MSRA: variants seen among roughly 807,000 people sequenced by gnomAD.
The protein encoded by MSRA is mitochondrial peptide methionine sulfoxide reductase.
Under a neutral mutation model 31.3 loss-of-function variants are expected in MSRA, and 54 were observed. The observed-to-expected ratio is 1.73, with a 90% confidence interval of 1.39 to 2.17. MSRA has a LOEUF of 2.17. MSRA is among the 30% of genes most tolerant of loss of function. The pLI, the probability that MSRA is intolerant of heterozygous loss-of-function variation, is 0.00. For missense variants in MSRA, 507 were observed against 300.9 expected, an observed-to-expected ratio of 1.69 and a Z score of -5.07; for synonymous variants, 169 against 116.5, an observed-to-expected ratio of 1.45 and a Z score of -2.90.
intron 3 of MSRA, among the ~76,000 whole-genome samples, chr8:10,289,055 C>T (rs1224557836): frequency 2.0e-5 from 3 of 151,020 alleles, no homozygotes; most frequent in East Asian, 1.9e-4. Flanking sequence ...CTCGCTCTGT[C>T]GCCAGGCTGG....
chr8:10,235,620 C>G (rs1811872382), intron 2 of MSRA, among the ~76,000 whole-genome samples: 1 of 152,102 alleles, frequency 6.6e-6, no homozygotes, highest in Non-Finnish European at 1.5e-5. Context: ...ACGAAAACCT[C>G]TAAAAAGAGA....
intron 5 of MSRA, among the ~76,000 whole-genome samples, chr8:10,349,289 T>G (rs1487222536): frequency 6.6e-6 from 1 of 152,216 alleles, no homozygotes; most frequent in African/African-American, 2.4e-5. Flanking sequence ...TCAAACAGTT[T>G]TAATGGCAAT....
chr8:10,427,656 C>A (rs896464479), intron 5 of MSRA, among the ~76,000 whole-genome samples: 1 of 152,278 alleles, frequency 6.6e-6, no homozygotes, highest in South Asian at 2.1e-4. Context: ...TGGGCAGATG[C>A]GATAGTGCCA....
At chr8:10,098,709 C>G (rs1799337069) in intron 1 of MSRA, among the ~76,000 whole-genome samples, 1 of 152,150 alleles carries the variant, frequency 6.6e-6, no homozygotes, top group Non-Finnish European at 1.5e-5. Flanking sequence ...CTGTAAGAAT[C>G]TTGTTTTATG....
At chr8:10,336,586 G>A (rs940078645) in intron 5 of MSRA, among the ~76,000 whole-genome samples, 3 of 152,140 alleles carry the variant, frequency 2.0e-5, no homozygotes, top group Admixed American at 2.0e-4. Flanking sequence ...ACAATATTGG[G>A]CAAACCAGTG....
chr8:10,220,480 T>G (rs564695052), intron 2 of MSRA, among the ~76,000 whole-genome samples: 1 of 152,354 alleles, frequency 6.6e-6, no homozygotes, highest in South Asian at 2.1e-4. Flanking sequence ...AGATGTGGCC[T>G]TCCAGAACCA....
chr8:10,335,804 A>G (rs566355022), intron 5 of MSRA, among the ~76,000 whole-genome samples: 1 of 152,350 alleles, frequency 6.6e-6, no homozygotes, highest in South Asian at 2.1e-4. Flanking sequence ...TTGGGAGTGC[A>G]GAAAGCACTT....
intron 3 of MSRA, among the ~76,000 whole-genome samples, chr8:10,248,148 A>C (rs554051303): frequency 2.6e-5 from 4 of 152,224 alleles, no homozygotes; most frequent in Non-Finnish European, 5.9e-5. Context: ...GCTGAGGTCC[A>C]TTGTGGGAGA....
At chr8:10,075,055 C>A (rs1197052791) in intron 1 of MSRA, among the ~76,000 whole-genome samples, 5 of 152,194 alleles carry the variant, frequency 3.3e-5, no homozygotes, top group Non-Finnish European at 4.4e-5. Context: ...CATTTATTTT[C>A]TTTACTACTC....
intron 5 of MSRA, among the ~76,000 whole-genome samples, chr8:10,347,122 C>T (rs568142949): frequency 1.5e-4 from 23 of 152,276 alleles, no homozygotes; most frequent in South Asian, 6.2e-4. Context: ...ATTACTGGTT[C>T]GTTTTCCCTT....
At chr8:10,277,973 A>G (rs748632895) in intron 3 of MSRA, among the ~76,000 whole-genome samples, 14 of 152,238 alleles carry the variant, frequency 9.2e-5, no homozygotes, top group Non-Finnish European at 1.8e-4. Flanking sequence ...AGTACCTGTT[A>G]TTACAGCAGG....
At chr8:10,203,260 G>T (rs1393812573) in intron 1 of MSRA, among the ~76,000 whole-genome samples, 3 of 152,156 alleles carry the variant, frequency 2.0e-5, no homozygotes, top group Non-Finnish European at 4.4e-5. Context: ...TAGGTAAATG[G>T]GAAAGGGAAG....
At chr8:10,303,840 CAG>C (rs1800980690) in intron 4 of MSRA, among the ~76,000 whole-genome samples, 1 of 152,228 alleles carries the variant, frequency 6.6e-6, no homozygotes, top group African/African-American at 2.4e-5. Flanking sequence ...TTACATGTAA[CAG>C]TAACAAAAAT....
rs182681166 is a variant in MSRA, at chr8:10,319,700, C to G, written c.437-183C>G. ...TGTAATTAAAACAGGCAAATCAAAA[C>G]AGATACATTTCATGCTTGTTTAAAG... On this transcript the variant is annotated intron_variant, in intron 4 of 5. Transcript: ENST00000317173. Among the ~76,000 whole-genome samples, 13 of 151,936 alleles carry G rather than the reference C, an allele frequency of 8.6e-5. No homozygotes were observed. In the East Asian group the frequency reaches 1.4e-3, roughly 16 times the overall value.
chr8:10,113,075 G>A (rs1244159401), intron 1 of MSRA, among the ~76,000 whole-genome samples: 1 of 152,056 alleles, frequency 6.6e-6, no homozygotes, highest in East Asian at 1.9e-4. Context: ...TCCTCCAAGA[G>A]CGTAGGGCTT....
At chr8:10,372,116 C>G (rs1805512237) in intron 5 of MSRA, among the ~76,000 whole-genome samples, 2 of 152,208 alleles carry the variant, frequency 1.3e-5, no homozygotes, top group Non-Finnish European at 2.9e-5. Flanking sequence ...GTTGGCAGCA[C>G]TGGGGCCTCT....
chr8:10,107,313 A>G (rs1295740685), intron 1 of MSRA, among the ~76,000 whole-genome samples: 1 of 152,098 alleles, frequency 6.6e-6, no homozygotes, highest in African/African-American at 2.4e-5. Context: ...TGAAAAATAA[A>G]CACTCTAGAG....
At chr8:10,115,630 T>A (rs557100809) in intron 1 of MSRA, among the ~76,000 whole-genome samples, 12 of 152,192 alleles carry the variant, frequency 7.9e-5, no homozygotes, top group African/African-American at 2.9e-4. Context: ...CCAGTGGCGC[T>A]TTCTAAAAGA....
intron 4 of MSRA, among the ~76,000 whole-genome samples, chr8:10,308,487 C>T (rs901609164): frequency 1.3e-5 from 2 of 152,172 alleles, no homozygotes; most frequent in African/African-American, 2.4e-5. Context: ...TTTCTCATTC[C>T]CTGCTCCATA....
Sources: allele counts gnomAD v4.1 joint callset (sites outside exome capture counted in the v4.1 genomes callset), GRCh38; gene constraint gnomAD v4.1.1; transcripts MANE v1.5; gene names NCBI Gene and HGNC (gene_info 2026-07-23, HGNC 2026-07-21).